Variants in JAZF1 observed in about 807,000 individuals in gnomAD.
JAZF1 encodes the protein JAZF zinc finger 1.
JAZF1 carries 8 observed loss-of-function variants against 26.4 expected under a neutral mutation model. The observed-to-expected ratio is 0.30, with a 90% CI of 0.18 to 0.55. The LOEUF is 0.55. Among genes scored for constraint, JAZF1 ranks in the 20% least tolerant of loss-of-function variants. The probability of loss-of-function intolerance (pLI) is 0.94; values close to 1 mark genes in which losing one functional copy is unlikely to be tolerated. For missense variants in JAZF1, 199 were observed against 322.0 expected (o/e 0.62, Z 2.92); for synonymous variants, 126 against 122.3 (o/e 1.03, Z -0.20).
intron 1 of JAZF1, among the ~76,000 whole-genome samples, chr7:28,097,303 A>T (rs528171807): frequency 3.3e-5 from 5 of 152,046 alleles, no homozygotes; most frequent in African/African-American, 4.8e-5. Flanking sequence ...CTTTTTTTTT[A>T]AATTTAGATG....
intron 1 of JAZF1, among the ~76,000 whole-genome samples, chr7:28,035,058 T>C (rs1475843918): frequency 3.3e-5 from 5 of 152,132 alleles, no homozygotes; most frequent in South Asian, 4.1e-4. Context: ...GGCTCAAGCC[T>C]ATAATCCCAG....
At chr7:27,931,760 C>CT (rs1784691712) in intron 2 of JAZF1, among the ~76,000 whole-genome samples, 2 of 151,540 alleles carry the variant, frequency 1.3e-5, no homozygotes, top group African/African-American at 2.4e-5. Flanking sequence ...CTGCTTGAAC[C>CT]GGGGAGAATT....
chr7:28,062,464 T>G (rs1205333896), intron 1 of JAZF1, among the ~76,000 whole-genome samples: 3 of 152,104 alleles, frequency 2.0e-5, no homozygotes, highest in Admixed American at 2.0e-4. Flanking sequence ...CCTTAGTGAC[T>G]ACGCAGCCCT....
At chr7:28,099,357 CT>C (rs943815476) in intron 1 of JAZF1, among the ~76,000 whole-genome samples, 31 of 146,330 alleles carry the variant, frequency 2.1e-4, no homozygotes, top group South Asian at 4.4e-4. Context: ...GACTAAAAAG[CT>C]TTTTTTTTTC....
chr7:28,082,984 AC>A (rs1432902624), intron 1 of JAZF1, among the ~76,000 whole-genome samples: 1 of 152,036 alleles, frequency 6.6e-6, no homozygotes, highest in African/African-American at 2.4e-5. Flanking sequence ...AGAGCTGACC[AC>A]CACTGAGTGC....
chr7:28,168,481 A>G (rs1173247573), intron 1 of JAZF1, among the ~76,000 whole-genome samples: 1 of 152,136 alleles, frequency 6.6e-6, no homozygotes, highest in East Asian at 1.9e-4. Flanking sequence ...ATCTGCCAAC[A>G]AAGGGCCTGT....
rs899458581 is a variant in JAZF1 at position 27,831,166 on chromosome 7, G to GT, written c.*1633dup. On this transcript the variant is annotated 3_prime_UTR_variant, in exon 5 of 5. Transcript: ENST00000283928. ...TCTGAGGAAATTTTTAGAGGGCAGT[G>GT]TTTTTATAAATACTTTGAATCCCTC... 2 of 223,166 alleles carry GT rather than the reference G, an allele frequency of 9.0e-6. No homozygotes were observed. The highest frequency in any genetic ancestry group is 4.5e-5 in the African/African-American group (2 of 44,722). 13.8% of individuals were successfully genotyped at this position (223,166 alleles called of 1,614,324 possible).
intron 1 of JAZF1, among the ~76,000 whole-genome samples, chr7:28,007,259 G>A (rs1482711902): frequency 6.6e-6 from 1 of 152,206 alleles, no homozygotes; most frequent in Non-Finnish European, 1.5e-5. Flanking sequence ...CCTGAGGTTA[G>A]GAGTTCGAGA....
chr7:27,959,206 C>T (rs1785149636), intron 2 of JAZF1, among the ~76,000 whole-genome samples: 1 of 152,246 alleles, frequency 6.6e-6, no homozygotes, highest in African/African-American at 2.4e-5. Context: ...TCAGGTGTCC[C>T]AGTGCTTTCT....
chr7:28,076,127 T>G (rs1054573076), intron 1 of JAZF1, among the ~76,000 whole-genome samples: 10 of 152,216 alleles, frequency 6.6e-5, no homozygotes, highest in Admixed American at 5.9e-4. Flanking sequence ...TCTAATTGCA[T>G]TCTTCAAGCC....
chr7:27,902,278 C>G (rs578221242), intron 2 of JAZF1, among the ~76,000 whole-genome samples: 3 of 152,268 alleles, frequency 2.0e-5, no homozygotes, highest in East Asian at 3.9e-4. Context: ...TTTCTGGACT[C>G]AAGGACAAGA....
chr7:27,986,809 C>T (rs937912826), intron 2 of JAZF1, among the ~76,000 whole-genome samples: 1 of 152,168 alleles, frequency 6.6e-6, no homozygotes, highest in African/African-American at 2.4e-5. Context: ...GCGCGCGCTG[C>T]CATGCCTGAC....
chr7:28,101,576 TAAA>T (rs56321937), intron 1 of JAZF1, among the ~76,000 whole-genome samples: 14 of 97,992 alleles, frequency 1.4e-4, no homozygotes, highest in Admixed American at 3.6e-4. Context: ...ATTTCTATAT[TAAA>T]AAAAAAAAAA....
intron 1 of JAZF1, among the ~76,000 whole-genome samples, chr7:28,138,524 A>C (rs1562599950): frequency 6.6e-6 from 1 of 152,182 alleles, no homozygotes; most frequent in Non-Finnish European, 1.5e-5. Flanking sequence ...TTCGCTGTTC[A>C]CCTGTTGCCA....
At chr7:27,969,047 T>C (rs928279604) in intron 2 of JAZF1, among the ~76,000 whole-genome samples, 1 of 152,242 alleles carries the variant, frequency 6.6e-6, no homozygotes, top group Non-Finnish European at 1.5e-5. Context: ...CAGGATGTGA[T>C]GCCATTTATC....
chr7:28,106,153 G>A (rs938030948), intron 1 of JAZF1, among the ~76,000 whole-genome samples: 2 of 152,164 alleles, frequency 1.3e-5, no homozygotes, highest in Non-Finnish European at 2.9e-5. Flanking sequence ...TAAAACTAGA[G>A]AAAATAAATG....
At chr7:28,145,170 T>C (rs1249635985) in intron 1 of JAZF1, among the ~76,000 whole-genome samples, 1 of 152,184 alleles carries the variant, frequency 6.6e-6, no homozygotes, top group East Asian at 1.9e-4. Flanking sequence ...AGAGCTCCCA[T>C]CCTTGATCCC....
intron 1 of JAZF1, among the ~76,000 whole-genome samples, chr7:28,161,748 T>C (rs1416661182): frequency 6.6e-6 from 1 of 152,128 alleles, no homozygotes; most frequent in African/African-American, 2.4e-5. Flanking sequence ...TAACTAGCTA[T>C]AAAAACCAGA....
At chr7:27,897,452 A>T (rs1784087301) in intron 2 of JAZF1, among the ~76,000 whole-genome samples, 1 of 152,220 alleles carries the variant, frequency 6.6e-6, no homozygotes, top group Non-Finnish European at 1.5e-5. Context: ...TAAGGAATTA[A>T]CGTACGTCTT....
Sources: gnomAD v4.1 joint callset for allele counts (sites outside exome capture counted in the v4.1 genomes callset) on GRCh38, gnomAD v4.1.1 for gene constraint, MANE v1.5 for transcripts, NCBI Gene and HGNC (gene_info 2026-07-23, HGNC 2026-07-21) for gene names.